Variants in ADGRL3 observed in about 807,000 individuals in gnomAD.
ADGRL3 encodes calcium-independent alpha-latrotoxin receptor 3.
In ADGRL3, 62 loss-of-function variants were observed where a neutral mutation model predicts 153.5. The ratio of observed to expected loss-of-function variants is 0.40; its 90% CI spans 0.33 to 0.50. The LOEUF (loss-of-function observed/expected upper bound fraction) is 0.50, where lower values mean the gene tolerates loss of function less well. ADGRL3 is among the 20% of genes least tolerant of loss of function. The pLI, the probability that ADGRL3 is intolerant of heterozygous loss-of-function variation, is 0.47. For synonymous variants in ADGRL3, 710 were observed against 672.5 expected, an observed-to-expected ratio of 1.06 and a Z score of -0.86; for missense variants, 1,641 against 1,859.4, an observed-to-expected ratio of 0.88 and a Z score of 2.16.
At chr4:61,207,557 T>C (rs1217987345) in intron 1 of ADGRL3, among the ~76,000 whole-genome samples, 1 of 152,206 alleles carries the variant, frequency 6.6e-6, no homozygotes, top group Non-Finnish European at 1.5e-5. Context: ...CCTTTGGGTA[T>C]ATACCCAGTA....
At chr4:61,502,573 A>C (rs1350369401) in intron 3 of ADGRL3, among the ~76,000 whole-genome samples, 1 of 151,356 alleles carries the variant, frequency 6.6e-6, no homozygotes, top group Non-Finnish European at 1.5e-5. Context: ...GCATTTTATC[A>C]TGTGCAACAA....
chr4:61,704,354 C>T (rs1184585051), intron 6 of ADGRL3, among the ~76,000 whole-genome samples: 3 of 152,166 alleles, frequency 2.0e-5, no homozygotes, highest in Non-Finnish European at 2.9e-5. Flanking sequence ...TTTTGGTAAC[C>T]TAGTACATAT....
In ADGRL3 at chr4:61,934,903, A is replaced by C; in HGVS notation, c.2176A>C (p.Thr726Pro). The C allele has an allele frequency of 6.2e-7, 1 of 1,613,838 alleles. No individual in the cohort carries two copies. Reference sequence around the variant, plus strand: ...AGCTTTGAATGCATGGAGAGACCTGACTACGAGTGATCAGCTGCGTGCGGC... The same window carrying C: ...AGCTTTGAATGCATGGAGAGACCTGCCTACGAGTGATCAGCTGCGTGCGGC... The part of the protein sequence containing the change: ...PQALNAWRDL[T>P]TSDQLRAATM... Residue 726 changes from threonine to proline, a missense_variant, in exon 14 of 27, where the codon ACT becomes CCT. Physicochemically the swap from Thr to Pro is conservative, Grantham distance 38. Transcript: ENST00000683033.
At chr4:61,982,285 T>A (rs935045002) in intron 18 of ADGRL3, among the ~76,000 whole-genome samples, 3 of 152,116 alleles carry the variant, frequency 2.0e-5, no homozygotes, top group African/African-American at 7.2e-5. Context: ...ATGGGTAGAG[T>A]GCAGCTCAGC....
intron 9 of ADGRL3, among the ~76,000 whole-genome samples, chr4:61,874,067 A>G (rs1310330632): frequency 6.6e-6 from 1 of 152,192 alleles, no homozygotes; most frequent in Non-Finnish European, 1.5e-5. Context: ...CTAATAAATA[A>G]CAATGCTACG....
chr4:61,857,027 T>G (rs1409443120), intron 9 of ADGRL3, among the ~76,000 whole-genome samples: 1 of 146,844 alleles, frequency 6.8e-6, no homozygotes, highest in Non-Finnish European at 1.5e-5. Flanking sequence ...CTTCCTCCCT[T>G]CCTTCCTTCC....
rs1391506449 is a variant in ADGRL3, at chr4:61,750,137, C to T, written c.1399+16583C>T. 3.2e-5 allele frequency among the ~76,000 whole-genome samples: 4 copies of T among 124,832 alleles called. No homozygotes were observed. The South Asian group carries it at 1.1e-3, about 34-fold the overall frequency. The allele number at this position is 124,832 out of a possible 152,430, so 81.9% of individuals were successfully genotyped here. On this transcript the variant is annotated intron_variant, in intron 8 of 26. Coordinates refer to ENST00000683033, the MANE Select transcript of ADGRL3 (RefSeq NM_001387552.1). ...CATTGGCCCTGTCTTCATGAACTTA[C>T]AGTCTATTGAAAACAAATTGAGAAG...
chr4:61,417,136 C>A (rs2097152620), intron 2 of ADGRL3, among the ~76,000 whole-genome samples: 1 of 152,112 alleles, frequency 6.6e-6, no homozygotes, highest in Admixed American at 6.6e-5. Flanking sequence ...TGCTGTGCAT[C>A]CGGGTTCCTA....
intron 25 of ADGRL3, among the ~76,000 whole-genome samples, chr4:62,052,386 G>GTACTA (rs1200921037): frequency 6.6e-6 from 1 of 151,190 alleles, no homozygotes; most frequent in Non-Finnish European, 1.5e-5. Flanking sequence ...ATTCCTTCCT[G>GTACTA]TACTATTCAT....
chr4:61,492,635 A>G (rs2098270387), intron 2 of ADGRL3, among the ~76,000 whole-genome samples: 1 of 152,136 alleles, frequency 6.6e-6, no homozygotes, highest in South Asian at 2.1e-4. Flanking sequence ...TCCAGAAAAT[A>G]AAATCAATGT....
At chr4:61,470,513 CT>C (rs1246189283) in intron 2 of ADGRL3, among the ~76,000 whole-genome samples, 1 of 151,930 alleles carries the variant, frequency 6.6e-6, no homozygotes, top group Admixed American at 6.6e-5. Context: ...CCTATAATGA[CT>C]GCATATTTAT....
At chr4:61,988,648 G>A (rs1286902551) in intron 19 of ADGRL3, among the ~76,000 whole-genome samples, 3 of 152,036 alleles carry the variant, frequency 2.0e-5, no homozygotes, top group Non-Finnish European at 4.4e-5. Flanking sequence ...TGTTTGAACA[G>A]TAAATTTTTA....
In ADGRL3 at chr4:61,244,798, A is replaced by G. The variant is rs531461252; in HGVS notation, c.-240+43033A>G. ...ACAAATTGGTCATTTTCACCTAAAT[A>G]TTTGCACTTAGCACTGTGATACAAC... On this transcript the variant is annotated intron_variant, in intron 1 of 26. Transcript: ENST00000683033. 1.6e-4 allele frequency among the ~76,000 whole-genome samples: 25 copies of G among 152,130 alleles called. 1 individual carries two copies. The highest frequency in any genetic ancestry group is 5.8e-4 in the African/African-American group (24 of 41,552).
chr4:61,733,539 C>T lies in ADGRL3; in HGVS notation c.1384C>T (p.Leu462=), dbSNP rs1028484998. The change falls in exon 8 of 27, where the codon CTG becomes TTG. Residue 462 remains leucine (L), a synonymous_variant. Transcript: ENST00000683033. ...GAAATATTCTTTGGATTTTGGACCTCTGGATAGTAGATCAGGTAAGTTCAA... is the reference window on the plus strand; with the variant it reads ...GAAATATTCTTTGGATTTTGGACCTTTGGATAGTAGATCAGGTAAGTTCAA... The part of the protein sequence containing the change: ...VVKYSLDFGP[L]DSRSGQAHHG... 1 of 1,611,608 alleles carries T rather than the reference C, an allele frequency of 6.2e-7. No homozygotes were observed. The highest frequency in any genetic ancestry group is 1.7e-5 in the Admixed American group (1 of 59,796).
At chr4:62,060,787 A>T in intron 25 of ADGRL3, among the ~76,000 whole-genome samples, 1 of 151,994 alleles carries the variant, frequency 6.6e-6, no homozygotes, top group South Asian at 2.1e-4. Flanking sequence ...CATATATTTG[A>T]TTCATTAATG....
At chr4:61,763,157 AGT>A (rs1280796958) in intron 8 of ADGRL3, among the ~76,000 whole-genome samples, 3 of 150,614 alleles carry the variant, frequency 2.0e-5, no homozygotes, top group African/African-American at 2.5e-5. Flanking sequence ...TATTCATAGT[AGT>A]TTCATTTATT....
intron 11 of ADGRL3, among the ~76,000 whole-genome samples, chr4:61,901,906 T>C (rs1298992640): frequency 6.6e-6 from 1 of 152,204 alleles, no homozygotes; most frequent in Non-Finnish European, 1.5e-5. Flanking sequence ...TCAGTGTGTA[T>C]GTGCTTATTT....
At chr4:61,710,919 C>A (rs749074715) in intron 6 of ADGRL3, among the ~76,000 whole-genome samples, 1 of 152,158 alleles carries the variant, frequency 6.6e-6, no homozygotes, top group Non-Finnish European at 1.5e-5. Flanking sequence ...CATGCTATGA[C>A]ATGACTCTAC....
chr4:61,787,652 T>C lies in ADGRL3; in HGVS notation c.1400-26157T>C, dbSNP rs369940042. ...AACCTTGTCAGAACTATTTATAAAA[T>C]ATATTCTCTTCTTTTTTGTTTATGA... On this transcript the variant is annotated intron_variant, in intron 8 of 26. Coordinates refer to ENST00000683033, the MANE Select transcript of ADGRL3 (RefSeq NM_001387552.1). Among the ~76,000 whole-genome samples, 5 of 152,104 alleles carry C rather than the reference T, an allele frequency of 3.3e-5. No individual in the cohort carries two copies. In the South Asian group the frequency reaches 1.0e-3, roughly 31 times the overall value.
Sources: gnomAD v4.1 joint callset for allele counts (sites outside exome capture counted in the v4.1 genomes callset) on GRCh38, gnomAD v4.1.1 for gene constraint, MANE v1.5 for transcripts, NCBI Gene and HGNC (gene_info 2026-07-23, HGNC 2026-07-21) for gene names.